PSMD11: variants seen among roughly 807,000 people sequenced by gnomAD.
PSMD11 encodes the protein proteasome 26S subunit, non-ATPase 11, also known as 26S proteasome non-ATPase regulatory subunit 11.
Under a neutral mutation model 62.3 loss-of-function variants are expected in PSMD11, and 5 were observed. That is an observed-to-expected ratio of 0.08 (90% CI 0.04 to 0.17). PSMD11 has a LOEUF of 0.17. Among genes scored for constraint, PSMD11 ranks in the 10% least tolerant of loss-of-function variants. PSMD11 has a pLI of 1.00. For synonymous variants in PSMD11, 191 were observed against 191.8 expected (o/e 1.00, Z 0.03); for missense variants, 310 against 512.9 (o/e 0.60, Z 3.82).
intron 3 of PSMD11, among the ~76,000 whole-genome samples, chr17:32,458,968 G>T (rs1013572759): frequency 6.6e-6 from 1 of 151,498 alleles, no homozygotes; most frequent in Admixed American, 6.6e-5. Flanking sequence ...GGTGGTGCAT[G>T]CCTGTAATCC....
rs1375996200 is a variant in PSMD11 at position 32,480,966 on chromosome 17, A to AAAAAAG, written c.*226_*231dup. 1 of 203,728 alleles carries AAAAAAG rather than the reference A, an allele frequency of 4.9e-6. No homozygotes were observed. Among genetic ancestry groups the AAAAAAG allele is most frequent in the Non-Finnish European group, 9.8e-6 (1 of 102,250 alleles). 12.6% of individuals were successfully genotyped at this position (203,728 alleles called of 1,614,324 possible). A position where few individuals can be genotyped will look rare whatever the true frequency, so the allele number is the denominator to read the frequency against. The stretch of plus-strand genomic sequence containing the variant: ...CTTGGGAGTGGGGAAATTGCTTAAA[A>AAAAAAG]AAAAAGAAAAAGAAAAAAAAAAAGA... On this transcript the variant is annotated 3_prime_UTR_variant, in exon 14 of 14. Transcript: ENST00000261712.
intron 1 of PSMD11, 145 bp from the exon 2 acceptor site, chr17:32,446,800 T>TA (rs1477557342): frequency 3.6e-6 from 2 of 557,540 alleles, no homozygotes; most frequent in Non-Finnish European, 6.2e-6. Context: ...TTTCCTGGCT[T>TA]AGAGTTTTTT....
At chr17:32,462,964 A>G (rs1192996083) in intron 3 of PSMD11, among the ~76,000 whole-genome samples, 1 of 152,238 alleles carries the variant, frequency 6.6e-6, no homozygotes, top group Non-Finnish European at 1.5e-5. Context: ...CTGGGATTAC[A>G]GGCATGAGCC....
At chr17:32,462,272 C>T (rs1907866885) in intron 3 of PSMD11, among the ~76,000 whole-genome samples, 1 of 152,142 alleles carries the variant, frequency 6.6e-6, no homozygotes, top group African/African-American at 2.4e-5. Context: ...GCACTTCTTA[C>T]CCTTTGAAGT....
chr17:32,483,249 CAA>C lies in PSMD11; in HGVS notation c.*2498_*2499del, dbSNP rs1908561212. The C allele has an allele frequency of 6.6e-6, 1 of 152,300 alleles. No homozygotes were observed. The highest frequency in any genetic ancestry group is 6.5e-5 in the Admixed American group (1 of 15,308). The allele number at this position is 152,300 out of a possible 1,614,324, so 9.4% of individuals were successfully genotyped here. On this transcript the variant is annotated 3_prime_UTR_variant, in exon 14 of 14. Coordinates refer to ENST00000261712, the MANE Select transcript of PSMD11 (RefSeq NM_002815.4). Reference sequence around the variant, plus strand: ...AAAAGAAAAGGAGTGTAAAATATGTCAATAACTTTTTTATATATGTGTTGAAA... The same window carrying C: ...AAAAGAAAAGGAGTGTAAAATATGTCTAACTTTTTTATATATGTGTTGAAA...
intron 5 of PSMD11, among the ~76,000 whole-genome samples, chr17:32,467,242 C>CTTTT (rs751751489): frequency 5.8e-5 from 7 of 120,534 alleles, no homozygotes; most frequent in Admixed American, 1.8e-4. Context: ...CATGCCCGGC[C>CTTTT]TTTTTTTTTT....
intron 12 of PSMD11, 55 bp from the exon 13 acceptor site, chr17:32,480,434 A>G: frequency 6.2e-7 from 1 of 1,606,132 alleles, no homozygotes; most frequent in East Asian, 2.2e-5. Flanking sequence ...TGCTTCACAA[A>G]CACTTTTGTG....
intron 6 of PSMD11, among the ~76,000 whole-genome samples, chr17:32,472,596 G>A (rs1001185712): frequency 1.6e-4 from 24 of 150,576 alleles, no homozygotes; most frequent in Admixed American, 1.2e-3. Flanking sequence ...GGAGTGCTGT[G>A]GCGTGATCTC....
At chr17:32,456,792 A>G (rs1322573775) in intron 3 of PSMD11, among the ~76,000 whole-genome samples, 2 of 152,138 alleles carry the variant, frequency 1.3e-5, no homozygotes, top group African/African-American at 4.8e-5. Flanking sequence ...CGGCCTCCCA[A>G]AATGCTGGGA....
intron 3 of PSMD11, among the ~76,000 whole-genome samples, chr17:32,459,706 C>T (rs958246240): frequency 6.6e-6 from 1 of 152,128 alleles, no homozygotes; most frequent in African/African-American, 2.4e-5. Context: ...TACTCTGTCT[C>T]CCAGGCTGGA....
intron 5 of PSMD11, 121 bp from the exon 6 acceptor site, chr17:32,468,878 C>T (rs905139716): frequency 4.1e-6 from 4 of 979,810 alleles, no homozygotes; most frequent in Non-Finnish European, 5.7e-6. Flanking sequence ...TAGAGGTAAC[C>T]TTTTTTGAGT....
At chr17:32,462,616 A>C (rs1907873914) in intron 3 of PSMD11, among the ~76,000 whole-genome samples, 1 of 152,242 alleles carries the variant, frequency 6.6e-6, no homozygotes, top group Admixed American at 6.5e-5. Flanking sequence ...GCTAGAATTT[A>C]GGATCTAAAA....
chr17:32,468,289 G>T (rs1241540692), intron 5 of PSMD11, among the ~76,000 whole-genome samples: 1 of 151,894 alleles, frequency 6.6e-6, no homozygotes, highest in Non-Finnish European at 1.5e-5. Context: ...TCTGTGGGTT[G>T]TTTTTTTCCT....
At chr17:32,472,133 G>A (rs1908181635) in intron 6 of PSMD11, among the ~76,000 whole-genome samples, 1 of 151,976 alleles carries the variant, frequency 6.6e-6, no homozygotes, top group South Asian at 2.1e-4. Context: ...CTCCCAAAGT[G>A]TTGAGATTAC....
At chr17:32,448,471 G>A (rs138652914) in intron 2 of PSMD11, among the ~76,000 whole-genome samples, 8 of 151,934 alleles carry the variant, frequency 5.3e-5, no homozygotes, top group African/African-American at 1.9e-4. Context: ...AGGTTCAAGC[G>A]ATTCTACTAT....
intron 10 of PSMD11, 197 bp from the exon 11 acceptor site, chr17:32,479,654 G>T: frequency 1.4e-6 from 1 of 716,432 alleles, no homozygotes; most frequent in South Asian, 1.9e-5. Context: ...TGGGTGTGTG[G>T]GATAAGAGTC....
At chr17:32,462,581 T>A (rs573540118) in intron 3 of PSMD11, among the ~76,000 whole-genome samples, 1 of 152,342 alleles carries the variant, frequency 6.6e-6, no homozygotes, top group Non-Finnish European at 1.5e-5. Flanking sequence ...TACTGTGTAA[T>A]GTTATCTATT....
rs1908472040 is a variant in PSMD11 at position 32,480,977 on chromosome 17, A to AG, written c.*226dup. ...GGAAATTGCTTAAAAAAAAAGAAAA[A>AG]GAAAAAAAAAAAGATTATTCTAAAT... On this transcript the variant is annotated 3_prime_UTR_variant, in exon 14 of 14. Coordinates refer to ENST00000261712, the MANE Select transcript of PSMD11 (RefSeq NM_002815.4). The AG allele has an allele frequency of 5.3e-6, 1 of 187,818 alleles. No individual in the cohort carries two copies. Among genetic ancestry groups the AG allele is most frequent in the Admixed American group, 5.7e-5 (1 of 17,462 alleles). The allele number at this position is 187,818 out of a possible 1,614,324, so 11.6% of individuals were successfully genotyped here.
chr17:32,459,274 A>G (rs2150832517), intron 3 of PSMD11, among the ~76,000 whole-genome samples: 1 of 151,990 alleles, frequency 6.6e-6, no homozygotes, highest in Non-Finnish European at 1.5e-5. Flanking sequence ...GTAGATGTGC[A>G]GTGGTATGCT....
Sources: gnomAD v4.1 joint callset for allele counts (sites outside exome capture counted in the v4.1 genomes callset) on GRCh38, gnomAD v4.1.1 for gene constraint, MANE v1.5 for transcripts, NCBI Gene and HGNC (gene_info 2026-07-23, HGNC 2026-07-21) for gene names.